Variants in RESP18 observed in about 807,000 individuals in gnomAD.
The protein encoded by RESP18 is regulated endocrine-specific protein 18.
Under a neutral mutation model 30.0 loss-of-function variants are expected in RESP18, and 30 were observed. That is an observed-to-expected ratio of 1.00 (90% CI 0.75 to 1.36). The LOEUF (loss-of-function observed/expected upper bound fraction) is 1.36, where lower values mean the gene tolerates loss of function less well. Ranked by LOEUF, RESP18 falls within the 40% of genes most tolerant of loss-of-function variation. RESP18 has a pLI of 0.00. For missense variants in RESP18, 320 were observed against 284.2 expected, an observed-to-expected ratio of 1.13 and a Z score of -0.91; for synonymous variants, 117 against 111.2, an observed-to-expected ratio of 1.05 and a Z score of -0.33.
chr2:219,332,383 GCTGTCTACCTTTTTCTCTTCT>G (rs2125108950), intron 2 of RESP18, 120 bp downstream of exon 1: 1 of 653,128 alleles, frequency 1.5e-6, no homozygotes, highest in Non-Finnish European at 2.6e-6. Context: ...TCCGCTAGAC[GCTGTCTACCTTTTTCTCTTCT>G]CACGTCCTTA....
chr2:219,328,016 C>T (rs912756276), intron 6 of RESP18, among the ~76,000 whole-genome samples: 6 of 152,182 alleles, frequency 3.9e-5, no homozygotes, highest in Admixed American at 1.3e-4. Context: ...GCCGGGGGTG[C>T]CCTGCTTCAC....
rs1952844171 is a variant in RESP18 at position 219,332,667 on chromosome 2, T to A, written c.89A>T (p.Glu30Val). The A allele has an allele frequency of 6.4e-7, 1 of 1,551,186 alleles. No homozygotes were observed. Among genetic ancestry groups the A allele is most frequent in the Non-Finnish European group, 8.7e-7 (1 of 1,146,904 alleles). The change falls in exon 2 of 7, where the codon GAG becomes GTG. Residue 30 changes from glutamate to valine, a missense_variant. Physicochemically the swap from Glu to Val is moderately radical, Grantham distance 121 (BLOSUM62 -2). Coordinates refer to ENST00000333527, the MANE Select transcript of RESP18 (RefSeq NM_001007089.4). Reference sequence around the variant, plus strand: ...GGCGCGCTCACTCCCCGGCCAAGTCTCAGTGAAGGTAGCGGCCACGGCCGA... The same window carrying A: ...GGCGCGCTCACTCCCCGGCCAAGTCACAGTGAAGGTAGCGGCCACGGCCGA...
rs1422132752 is a variant in RESP18 at position 219,328,985 on chromosome 2, C to T, written c.579G>A (p.Gly193=). The T allele has an allele frequency of 1.9e-6, 3 of 1,551,116 alleles. No homozygotes were observed. The highest frequency in any genetic ancestry group is 1.7e-6 in the Non-Finnish European group (2 of 1,146,296). ...CCGGCGCCTGCATCATGTCCAGCCC[C>T]CCATATGAACACCTATAGGTAATCT... The change falls in exon 6 of 7, where the codon GGG becomes GGA. Residue 193 remains glycine (G), a synonymous_variant. Transcript: ENST00000333527.
At chr2:219,330,719 C>T (rs1005932318) in intron 3 of RESP18, 52 bp downstream of exon 2, 1 of 1,193,330 alleles carries the variant, frequency 8.4e-7, no homozygotes, top group African/African-American at 1.5e-5. Context: ...CCCTCTTCCC[C>T]CCTCCCCATC....
intron 6 of RESP18, 29 bp downstream of exon 5, chr2:219,328,895 T>C: frequency 3.5e-6 from 5 of 1,442,666 alleles, no homozygotes; most frequent in Non-Finnish European, 4.8e-6. Context: ...CTCTGCTGTT[T>C]CAATGCCTAT....
At chr2:219,328,689 A>G (rs1952798070) in intron 6 of RESP18, among the ~76,000 whole-genome samples, 1 of 152,218 alleles carries the variant, frequency 6.6e-6, no homozygotes, top group South Asian at 2.1e-4. Flanking sequence ...TCCATTCTGG[A>G]TTCTGAAGAG....
intron 3 of RESP18, among the ~76,000 whole-genome samples, chr2:219,330,533 T>G (rs758744042): frequency 7.6e-6 from 1 of 130,750 alleles, no homozygotes; most frequent in Non-Finnish European, 1.5e-5. Context: ...GTTTTCAGTT[T>G]TGTTTTTTTT....
Position 219,329,636 on chromosome 2 carries a change from C to T in RESP18, c.465+1G>A, listed in dbSNP as rs16859790. The T allele has an allele frequency of 1.9e-6, 3 of 1,551,424 alleles. No individual in the cohort carries two copies. Among genetic ancestry groups the T allele is most frequent in the African/African-American group, 1.4e-5 (1 of 73,122 alleles). Reference sequence around the variant, plus strand: ...ATGACCACAGGCCTCATGCACCTCACCTCAGTGGTTTTAGTGGGGAAAAGT... The same window carrying T: ...ATGACCACAGGCCTCATGCACCTCATCTCAGTGGTTTTAGTGGGGAAAAGT... On this transcript the variant is annotated splice_donor_variant, in intron 4 of 6. Coordinates refer to ENST00000333527, the MANE Select transcript of RESP18 (RefSeq NM_001007089.4). LOFTEE classifies it high-confidence loss of function.
intron 2 of RESP18, chr2:219,331,084 T>G: frequency 2.0e-6 from 1 of 501,394 alleles, no homozygotes; most frequent in Non-Finnish European, 3.6e-6. Context: ...CCTCATTCAC[T>G]CTTGGTACCA....
Position 219,332,819 on chromosome 2 carries a change from C to A in RESP18, c.18-81G>T, listed in dbSNP as rs1280500648. The A allele has an allele frequency of 1.4e-5, 15 of 1,110,378 alleles. No homozygotes were observed. In the East Asian group the frequency reaches 3.4e-4, roughly 25 times the overall value. The allele number at this position is 1,110,378 out of a possible 1,614,324, so 68.8% of individuals were successfully genotyped here. A position where few individuals can be genotyped will look rare whatever the true frequency, so the allele number is the denominator to read the frequency against. Reference sequence around the variant, plus strand: ...TCGCCTCCCCAGCTCCTTCCCCTACCGCCTCCCCACCCTCATCTCTTGGAA... The same window carrying A: ...TCGCCTCCCCAGCTCCTTCCCCTACAGCCTCCCCACCCTCATCTCTTGGAA... On this transcript the variant is annotated intron_variant, in intron 1 of 6. Transcript: ENST00000333527.
At chr2:219,332,765 C>A in intron 1 of RESP18, 21 bp from the exon 1 acceptor site, 1 of 1,506,474 alleles carries the variant, frequency 6.6e-7, no homozygotes. Flanking sequence ...GGCAGTTCAG[C>A]CAATCGTGAG....
At chr2:219,330,608 A>G (rs947332838) in intron 3 of RESP18, among the ~76,000 whole-genome samples, 163 bp downstream of exon 2, 3 of 145,656 alleles carry the variant, frequency 2.1e-5, no homozygotes, top group South Asian at 2.1e-4. Flanking sequence ...ACCCATCCAG[A>G]TCCCACTCCT....
chr2:219,329,403 T>C, intron 4 of RESP18, 151 bp from the exon 4 acceptor site: 1 of 1,551,192 alleles, frequency 6.4e-7, no homozygotes, highest in Non-Finnish European at 8.7e-7. Flanking sequence ...TTTCTCCTCT[T>C]GCTAGAAGAG....
At chr2:219,330,916 A>C (rs746971142) in intron 2 of RESP18, 41 bp from the exon 2 acceptor site, 1 of 1,169,174 alleles carries the variant, frequency 8.6e-7, no homozygotes, top group Admixed American at 2.0e-5. Flanking sequence ...ACCTGGCCAG[A>C]GCCTTCCACA....
Position 219,329,621 on chromosome 2 carries a change from G to A in RESP18, c.465+16C>T. 4.5e-6 allele frequency: 7 copies of A among 1,551,154 alleles called. No homozygotes were observed. Among genetic ancestry groups the A allele is most frequent in the Non-Finnish European group, 6.1e-6 (7 of 1,146,884 alleles). The stretch of plus-strand genomic sequence containing the variant: ...GCCAGAATGCTTGGAATGACCACAG[G>A]CCTCATGCACCTCACCTCAGTGGTT... On this transcript the variant is annotated intron_variant, in intron 4 of 6. Transcript: ENST00000333527.
chr2:219,329,555 C>G, intron 4 of RESP18, 82 bp downstream of exon 3: 1 of 1,541,868 alleles, frequency 6.5e-7, no homozygotes, highest in Middle Eastern at 1.8e-4. Flanking sequence ...CAACTTCTAC[C>G]TGCAGTTTTA....
At chr2:219,328,533 A>G (rs1306298390) in intron 6 of RESP18, among the ~76,000 whole-genome samples, 1 of 152,178 alleles carries the variant, frequency 6.6e-6, no homozygotes, top group Non-Finnish European at 1.5e-5. Context: ...GGCAGGGACT[A>G]TGCAGGGGGA....
rs557569848 is a variant in RESP18, at chr2:219,331,442, GTC to G, written c.233-569_233-568del. ...ATCAGTGAGATAGGGCTGGAGGACA[GTC>G]TGTTTTTTGCTATAGTGTAGTTACC... On this transcript the variant is annotated intron_variant, in intron 2 of 6. Transcript: ENST00000333527. Among the ~76,000 whole-genome samples, 456 of 152,294 alleles carry G rather than the reference GTC, an allele frequency of 3.0e-3. 1 individual carries two copies. The highest frequency in any genetic ancestry group is 5.0e-3 in the Non-Finnish European group (338 of 68,022).
intron 2 of RESP18, among the ~76,000 whole-genome samples, chr2:219,332,147 G>A (rs1157561766): frequency 1.3e-5 from 2 of 152,118 alleles, no homozygotes; most frequent in Non-Finnish European, 2.9e-5. Flanking sequence ...GCCCTGGCTC[G>A]TCTCCTGGCC....
Sources: gnomAD v4.1 joint callset for allele counts (sites outside exome capture counted in the v4.1 genomes callset) on GRCh38, gnomAD v4.1.1 for gene constraint, MANE v1.5 for transcripts, NCBI Gene and HGNC (gene_info 2026-07-23, HGNC 2026-07-21) for gene names.